Variants in ITGB6 observed in about 807,000 individuals in gnomAD.
ITGB6 encodes integrin subunit beta 6, also known as integrin beta-6.
In ITGB6, 80 loss-of-function variants were observed where a neutral mutation model predicts 84.5. The observed-to-expected ratio is 0.95, with a 90% CI of 0.79 to 1.14. The LOEUF (loss-of-function observed/expected upper bound fraction) is 1.14, where lower values mean the gene tolerates loss of function less well. Among genes scored for constraint, ITGB6 ranks in the 50% most tolerant of loss-of-function variants. ITGB6 has a pLI of 0.00. For missense variants in ITGB6, 1,006 were observed against 968.0 expected, an observed-to-expected ratio of 1.04 and a Z score of -0.52; for synonymous variants, 383 against 354.9, an observed-to-expected ratio of 1.08 and a Z score of -0.89.
chr2:160,132,784 T>C (rs1205325721), intron 10 of ITGB6, among the ~76,000 whole-genome samples: 3 of 152,188 alleles, frequency 2.0e-5, no homozygotes, highest in African/African-American at 7.2e-5. Flanking sequence ...ATCGTTAAAC[T>C]ATAGCGATTT....
chr2:160,148,909 A>G (rs1023449627), intron 7 of ITGB6, among the ~76,000 whole-genome samples: 4 of 152,226 alleles, frequency 2.6e-5, no homozygotes, highest in African/African-American at 9.6e-5. Context: ...GGCATCTGCC[A>G]TTGCTGAGGC....
intron 4 of ITGB6, among the ~76,000 whole-genome samples, chr2:160,181,006 T>A (rs2105880129): frequency 6.6e-6 from 1 of 152,204 alleles, no homozygotes; most frequent in Middle Eastern, 3.4e-3. Context: ...ACCAGGAGAT[T>A]CCCTCGGGTG....
chr2:160,150,642 A>C (rs1211897097), intron 7 of ITGB6, among the ~76,000 whole-genome samples: 2 of 152,232 alleles, frequency 1.3e-5, no homozygotes, highest in Non-Finnish European at 2.9e-5. Flanking sequence ...TAAATGTCCC[A>C]ATTAAAAGAC....
At chr2:160,134,919 C>T (rs1019544987) in intron 10 of ITGB6, among the ~76,000 whole-genome samples, 1 of 152,114 alleles carries the variant, frequency 6.6e-6, no homozygotes, top group Admixed American at 6.5e-5. Flanking sequence ...ATAATAAGAG[C>T]TATTTATGAC....
chr2:160,113,694 G>A lies in ITGB6; in HGVS notation c.1982-1495C>T, dbSNP rs530100188. On this transcript the variant is annotated intron_variant, in intron 12 of 14. Transcript: ENST00000283249. ...TGAGAAGTTGGTTGTGTGCAGAGGA[G>A]CTTGTACACTTAGTGAGTTGTTTAA... Among the ~76,000 whole-genome samples the A allele has an allele frequency of 2.6e-5, 4 of 152,318 alleles. No homozygotes were observed. In the East Asian group the frequency reaches 7.7e-4, roughly 29 times the overall value.
intron 3 of ITGB6, among the ~76,000 whole-genome samples, chr2:160,195,992 A>G (rs1686317808): frequency 6.6e-6 from 1 of 152,224 alleles, no homozygotes. Flanking sequence ...GAATAATTTA[A>G]ATGGTTACTA....
chr2:160,121,426 A>T (rs1454301792), intron 12 of ITGB6, among the ~76,000 whole-genome samples: 2 of 152,198 alleles, frequency 1.3e-5, no homozygotes, highest in Non-Finnish European at 2.9e-5. Context: ...TTTCATATCT[A>T]GGGTTACATG....
chr2:160,167,178 G>T (rs997019366), intron 7 of ITGB6, among the ~76,000 whole-genome samples: 10 of 152,106 alleles, frequency 6.6e-5, no homozygotes, highest in African/African-American at 2.4e-4. Context: ...ACATCAAATC[G>T]CACAGGACTC....
At chr2:160,186,441 G>T (rs1685901018) in intron 4 of ITGB6, among the ~76,000 whole-genome samples, 1 of 152,126 alleles carries the variant, frequency 6.6e-6, no homozygotes, top group South Asian at 2.1e-4. Flanking sequence ...AGTTAGAATG[G>T]CAATCATTAA....
rs373761580 is a variant in ITGB6, at chr2:160,200,031, T to C, written c.33A>G (p.Leu11=). The C allele has an allele frequency of 6.8e-6, 11 of 1,613,840 alleles. No individual in the cohort carries two copies. The highest frequency in any genetic ancestry group is 1.1e-5 in the South Asian group (1 of 91,068). MGIELLCLFF[L]FLGRNDHVQG... is the part of the protein sequence containing the mutation. ...GTACGTGATCATTCCTTCCTAGAAA[T>C]AGAAAGAACAGGCAAAGCAGTTCAA... Residue 11 remains leucine (L), a synonymous_variant, in exon 1 of 15, where the codon CTA becomes CTG. Transcript: ENST00000283249.
intron 7 of ITGB6, among the ~76,000 whole-genome samples, chr2:160,164,997 G>T (rs1365163037): frequency 6.6e-6 from 1 of 152,140 alleles, no homozygotes; most frequent in Non-Finnish European, 1.5e-5. Context: ...GTAGGCAGCT[G>T]GCCCTCCTCA....
intron 12 of ITGB6, among the ~76,000 whole-genome samples, chr2:160,119,397 G>C (rs1328735669): frequency 9.2e-5 from 14 of 151,936 alleles, no homozygotes; most frequent in African/African-American, 3.1e-4. Context: ...ACAAACCTGA[G>C]AAAAACAAGC....
chr2:160,195,683 G>T (rs137902693), intron 3 of ITGB6, 68 bp from the exon 4 acceptor site: 22,612 of 1,553,898 alleles, frequency 0.015, 251 homozygotes, highest in Middle Eastern at 0.03. Context: ...CTGGCCACTC[G>T]CTGGGTCAGC....
intron 7 of ITGB6, among the ~76,000 whole-genome samples, chr2:160,155,843 A>T (rs1189311555): frequency 6.6e-6 from 1 of 152,198 alleles, no homozygotes; most frequent in Non-Finnish European, 1.5e-5. Flanking sequence ...CAACATCAGG[A>T]ATCTCTAGAG....
intron 4 of ITGB6, among the ~76,000 whole-genome samples, chr2:160,180,796 T>C (rs1364684808): frequency 6.6e-6 from 1 of 152,094 alleles, no homozygotes; most frequent in African/African-American, 2.4e-5. Flanking sequence ...ACCCAGCTCA[T>C]CTCACTGGGA....
intron 7 of ITGB6, among the ~76,000 whole-genome samples, chr2:160,162,726 C>G (rs895932543): frequency 6.6e-6 from 1 of 152,162 alleles, no homozygotes; most frequent in African/African-American, 2.4e-5. Flanking sequence ...TCAAGCGATT[C>G]TCCTGCCTCA....
At chr2:160,179,398 T>C (rs1685570195) in intron 4 of ITGB6, among the ~76,000 whole-genome samples, 2 of 146,428 alleles carry the variant, frequency 1.4e-5, no homozygotes, top group Non-Finnish European at 3.0e-5. Context: ...TTCTTTTTTT[T>C]TTTTTTTTGA....
chr2:160,137,727 C>A lies in ITGB6; in HGVS notation c.1367G>T (p.Cys456Phe), dbSNP rs765605951. ...GCTGTTCACTTCCACTTCTTTCTGA[C>A]AGTCGCAGTTGCATTCTGGGCTGAC... ...LLVSPECNCDCQKEVEVNSSK... is the reference protein window; with the variant it reads ...LLVSPECNCDFQKEVEVNSSK... The change falls in exon 10 of 15, where the codon TGT becomes TTT. Residue 456 changes from cysteine to phenylalanine, a missense_variant. Coordinates refer to ENST00000283249, the MANE Select transcript of ITGB6 (RefSeq NM_000888.5). The A allele has an allele frequency of 2.5e-6, 4 of 1,614,228 alleles. No individual in the cohort carries two copies. In the Admixed American group the frequency reaches 6.7e-5, roughly 27 times the overall value.
intron 12 of ITGB6, among the ~76,000 whole-genome samples, chr2:160,115,880 A>G (rs1172291204): frequency 6.6e-6 from 1 of 152,096 alleles, no homozygotes; most frequent in Non-Finnish European, 1.5e-5. Context: ...AGCCTCAGGA[A>G]CTGATGCGAT....
Sources: gnomAD v4.1 joint callset for allele counts (sites outside exome capture counted in the v4.1 genomes callset) on GRCh38, gnomAD v4.1.1 for gene constraint, MANE v1.5 for transcripts, NCBI Gene and HGNC (gene_info 2026-07-23, HGNC 2026-07-21) for gene names.